PTPRO: variants seen among roughly 807,000 people sequenced by gnomAD.
PTPRO encodes receptor-type tyrosine-protein phosphatase O.
PTPRO carries 62 observed loss-of-function variants against 145.2 expected under a neutral mutation model. The ratio of observed to expected loss-of-function variants is 0.43; its 90% CI spans 0.35 to 0.53. The LOEUF (loss-of-function observed/expected upper bound fraction) is 0.53, where lower values mean the gene tolerates loss of function less well. PTPRO is among the 20% of genes least tolerant of loss of function. The pLI, the probability that PTPRO is intolerant of heterozygous loss-of-function variation, is 0.01. For synonymous variants in PTPRO, 565 were observed against 514.7 expected, an observed-to-expected ratio of 1.10 and a Z score of -1.32; for missense variants, 1,345 against 1,482.7, an observed-to-expected ratio of 0.91 and a Z score of 1.53.
At position 15,580,764 on chromosome 12, in the gene PTPRO, G is replaced by A; in HGVS notation, c.3065G>A (p.Trp1022Ter). ...CTGCCTGAAACCAGAAATGACTTCTGGAAGATGGTCCTGCAACAAAAGTCT... is the reference window on the plus strand; with the variant it reads ...CTGCCTGAAACCAGAAATGACTTCTAGAAGATGGTCCTGCAACAAAAGTCT... The part of the protein sequence containing the change: ...GPLPETRNDF[W>*]KMVLQQKSQI... Residue 1022 changes from tryptophan (W) to a stop codon, truncating the protein, a stop_gained, in exon 22 of 27, where the codon TGG becomes TAG. Transcript: ENST00000281171. LOFTEE classifies it high-confidence loss of function. 1 of 1,614,024 alleles carries A rather than the reference G, an allele frequency of 6.2e-7. No individual in the cohort carries two copies. The highest frequency in any genetic ancestry group is 8.5e-7 in the Non-Finnish European group (1 of 1,179,950).
At chr12:15,466,617 T>C (rs1212559359) in intron 1 of PTPRO, among the ~76,000 whole-genome samples, 3 of 152,206 alleles carry the variant, frequency 2.0e-5, no homozygotes, top group Admixed American at 6.5e-5. Flanking sequence ...ATCTAAACTA[T>C]GGCAAGCACC....
At chr12:15,438,758 A>G (rs1020476378) in intron 1 of PTPRO, among the ~76,000 whole-genome samples, 1 of 152,178 alleles carries the variant, frequency 6.6e-6, no homozygotes, top group Non-Finnish European at 1.5e-5. Context: ...GAGAAGGAAA[A>G]AAACAAACAA....
At chr12:15,400,583 C>A (rs550811019) in intron 1 of PTPRO, among the ~76,000 whole-genome samples, 4 of 152,314 alleles carry the variant, frequency 2.6e-5, no homozygotes, top group South Asian at 4.1e-4. Flanking sequence ...GTCTCCAACT[C>A]CTCCAACTGA....
rs112040714 is a variant in PTPRO at position 15,595,412 on chromosome 12, T to C, written c.*16+355T>C. ...TCTATCTAGATATCTTGTGCAAATA[T>C]TTTATTGATTACAAGGGCTGTATAC... On this transcript the variant is annotated intron_variant, in intron 26 of 26. Coordinates refer to ENST00000281171, the MANE Select transcript of PTPRO (RefSeq NM_030667.3). 6.8e-5 allele frequency: 20 copies of C among 292,504 alleles called. 1 individual carries two copies. The highest frequency in any genetic ancestry group is 4.1e-4 in the African/African-American group (19 of 46,386). 18.1% of individuals were successfully genotyped at this position (292,504 alleles called of 1,614,324 possible).
At chr12:15,441,790 T>A (rs964559943) in intron 1 of PTPRO, among the ~76,000 whole-genome samples, 7 of 152,128 alleles carry the variant, frequency 4.6e-5, no homozygotes, top group African/African-American at 1.2e-4. Context: ...CAATTTCCCA[T>A]GATTAAATCA....
chr12:15,353,414 G>T (rs1565581170), intron 1 of PTPRO, among the ~76,000 whole-genome samples: 2 of 148,458 alleles, frequency 1.3e-5, no homozygotes, highest in African/African-American at 2.5e-5. Context: ...TGTTGATGCA[G>T]TTTTTTTTTT....
At chr12:15,349,115 T>C (rs185789925) in intron 1 of PTPRO, among the ~76,000 whole-genome samples, 12 of 152,320 alleles carry the variant, frequency 7.9e-5, no homozygotes, top group Admixed American at 5.2e-4. Flanking sequence ...ATAAAACTTA[T>C]AGTAGATGTA....
intron 21 of PTPRO, among the ~76,000 whole-genome samples, 155 bp from the exon 22 acceptor site, chr12:15,580,542 C>G (rs979482638): frequency 1.3e-5 from 2 of 152,216 alleles, no homozygotes; most frequent in African/African-American, 4.8e-5. Context: ...TTCTGATAGC[C>G]TCTTTGATTA....
At chr12:15,407,585 T>C (rs910391954) in intron 1 of PTPRO, among the ~76,000 whole-genome samples, 3 of 150,910 alleles carry the variant, frequency 2.0e-5, no homozygotes, top group African/African-American at 7.4e-5. Context: ...GCTATGTGTG[T>C]ATTGTGTAAC....
intron 1 of PTPRO, among the ~76,000 whole-genome samples, chr12:15,415,549 T>TGGAGAC (rs1565616297): frequency 6.1e-4 from 92 of 150,424 alleles, no homozygotes; most frequent in African/African-American, 2.3e-3. Context: ...CACACCCGGC[T>TGGAGAC]AATTTTTTGT....
chr12:15,401,586 A>G (rs1406145646), intron 1 of PTPRO, among the ~76,000 whole-genome samples: 1 of 152,236 alleles, frequency 6.6e-6, no homozygotes, highest in African/African-American at 2.4e-5. Context: ...ACCAAGAATG[A>G]CAAATTTGCT....
intron 1 of PTPRO, among the ~76,000 whole-genome samples, chr12:15,434,220 T>G (rs566934514): frequency 6.6e-6 from 1 of 152,356 alleles, no homozygotes; most frequent in South Asian, 2.1e-4. Flanking sequence ...TAAACTTGCC[T>G]TTTTAGTTGA....
intron 1 of PTPRO, among the ~76,000 whole-genome samples, chr12:15,431,670 C>T (rs1940443531): frequency 6.6e-6 from 1 of 152,072 alleles, no homozygotes; most frequent in South Asian, 2.1e-4. Context: ...TTCTATACTG[C>T]TACAAATTTG....
chr12:15,438,628 T>C (rs953172020), intron 1 of PTPRO, among the ~76,000 whole-genome samples: 2 of 151,930 alleles, frequency 1.3e-5, no homozygotes, highest in African/African-American at 4.8e-5. Flanking sequence ...TGAAGAGTGG[T>C]CTTTTGAACT....
chr12:15,596,100 G>T lies in PTPRO; in HGVS notation c.*27G>T, dbSNP rs1944654432. 1 of 152,268 alleles carries T rather than the reference G, an allele frequency of 6.6e-6. No individual in the cohort carries two copies. Among genetic ancestry groups the T allele is most frequent in the African/African-American group, 2.4e-5 (1 of 41,424 alleles). 9.4% of individuals were successfully genotyped at this position (152,268 alleles called of 1,614,324 possible). The stretch of plus-strand genomic sequence containing the variant: ...TTGTCTCATTCACAGGAGAGGACAT[G>T]ATGTGCGCCCATCCTCCCTTGCTTC... On this transcript the variant is annotated 3_prime_UTR_variant, in exon 27 of 27. Transcript: ENST00000281171.
intron 1 of PTPRO, among the ~76,000 whole-genome samples, chr12:15,422,266 C>T (rs1457542): frequency 0.73 from 111,505 of 152,010 alleles, 40,991 homozygotes; most frequent in East Asian, 0.77. Context: ...ACCAGGTTTT[C>T]TTGTTTTTTG....
intron 1 of PTPRO, among the ~76,000 whole-genome samples, chr12:15,339,983 G>A (rs998097324): frequency 2.6e-5 from 4 of 152,078 alleles, no homozygotes; most frequent in Non-Finnish European, 4.4e-5. Flanking sequence ...AATCAATGTA[G>A]GTAACTGAAG....
intron 8 of PTPRO, among the ~76,000 whole-genome samples, chr12:15,516,430 GAGAAAGAGAGTGAGAAAGA>G (rs947821485): frequency 3.1e-5 from 4 of 130,942 alleles, no homozygotes; most frequent in Non-Finnish European, 5.1e-5. Context: ...GAGAAAAAGT[GAGAAAGAGAGTGAGAAAGA>G]AGAGAGTGAG....
chr12:15,354,721 C>T (rs1047010830), intron 1 of PTPRO, among the ~76,000 whole-genome samples: 1 of 152,010 alleles, frequency 6.6e-6, no homozygotes, highest in Admixed American at 6.6e-5. Flanking sequence ...ATAATAAGCA[C>T]CGTATATACA....
Sources: allele counts gnomAD v4.1 joint callset (sites outside exome capture counted in the v4.1 genomes callset), GRCh38; gene constraint gnomAD v4.1.1; transcripts MANE v1.5; gene names NCBI Gene and HGNC (gene_info 2026-07-23, HGNC 2026-07-21).